The following HIVEP2 variants were observed in gnomAD, a reference collection of about 807,000 sequenced individuals.
The protein encoded by HIVEP2 is transcription factor HIVEP2.
HIVEP2 carries 14 observed loss-of-function variants against 180.7 expected under a neutral mutation model. The ratio of observed to expected loss-of-function variants is 0.08; its 90% CI spans 0.05 to 0.12. HIVEP2 has a LOEUF of 0.12. Ranked by LOEUF, HIVEP2 falls within the 10% of genes least tolerant of loss-of-function variation. The pLI is 1.00. For synonymous variants in HIVEP2, 1,184 were observed against 1,136.4 expected (o/e 1.04, Z -0.84); for missense variants, 2,579 against 3,008.5 (o/e 0.86, Z 3.34).
chr6:142,944,315 AC>A (rs1778248394), intron 1 of HIVEP2, among the ~76,000 whole-genome samples: 1 of 149,502 alleles, frequency 6.7e-6, no homozygotes, highest in South Asian at 2.1e-4. Context: ...TATAAAGCGC[AC>A]CGATCTGTGA....
chr6:142,761,549 A>G lies in HIVEP2; in HGVS notation c.5535T>C (p.His1845=), dbSNP rs1226846342. Residue 1845 remains histidine (H), a synonymous_variant, in exon 8 of 10, where the codon CAT becomes CAC. Coordinates refer to ENST00000367603, the MANE Select transcript of HIVEP2 (RefSeq NM_006734.4). ...TTTTCATGTGTGCTTTAGATTTCAT[A>G]TGCTTCGTTAGGTTTCCTTGAAAAT... ...AFKTKGNLTK[H]MKSKAHMKKC... is the part of the protein sequence containing the mutation. 1 of 1,598,910 alleles carries G rather than the reference A, an allele frequency of 6.3e-7. No individual in the cohort carries two copies. The highest frequency in any genetic ancestry group is 2.2e-5 in the East Asian group (1 of 44,766).
At chr6:142,780,968 G>A (rs1775844251) in intron 3 of HIVEP2, among the ~76,000 whole-genome samples, 1 of 152,060 alleles carries the variant, frequency 6.6e-6, no homozygotes, top group African/African-American at 2.4e-5. Flanking sequence ...ATTTTTAAAA[G>A]TATGTTAGAT....
At chr6:142,880,412 T>C (rs1776552478) in intron 1 of HIVEP2, among the ~76,000 whole-genome samples, 1 of 152,180 alleles carries the variant, frequency 6.6e-6, no homozygotes, top group South Asian at 2.1e-4. Context: ...TGGAGACAGC[T>C]GAGCCTCAAG....
At chr6:142,901,705 T>C (rs76147438) in intron 1 of HIVEP2, among the ~76,000 whole-genome samples, 13,638 of 152,238 alleles carry the variant, frequency 0.09, 959 homozygotes, top group East Asian at 0.24. Flanking sequence ...TCTCATAATC[T>C]TGAGCCTCAA....
rs187630617 is a variant in HIVEP2, at chr6:142,786,135, A to C, written c.-527-2520T>G. ...GTTTTTGTGTCTTTATTTCTCCATC[A>C]AAATAAAAGAAAATCCTTTCATCAA... On this transcript the variant is annotated intron_variant, in intron 2 of 9. Transcript: ENST00000367603. Among the ~76,000 whole-genome samples, 41 of 152,304 alleles carry C rather than the reference A, an allele frequency of 2.7e-4. No individual in the cohort carries two copies. In the East Asian group the frequency reaches 7.9e-3, roughly 29 times the overall value.
At chr6:142,919,473 A>G (rs1190481861) in intron 1 of HIVEP2, among the ~76,000 whole-genome samples, 8 of 152,302 alleles carry the variant, frequency 5.3e-5, no homozygotes, top group Non-Finnish European at 1.5e-5. Context: ...ACCGTCTATA[A>G]ATGTCTTCTA....
At chr6:142,917,205 T>A (rs1777576037) in intron 1 of HIVEP2, among the ~76,000 whole-genome samples, 1 of 152,252 alleles carries the variant, frequency 6.6e-6, no homozygotes, top group Non-Finnish European at 1.5e-5. Context: ...CAGTTTCGTA[T>A]GTGATGTACT....
In HIVEP2 at chr6:142,789,610, T is replaced by C. The variant is rs1287980163; in HGVS notation, c.-527-5995A>G. Among the ~76,000 whole-genome samples, 4 of 152,338 alleles carry C rather than the reference T, an allele frequency of 2.6e-5. No individual in the cohort carries two copies. In the East Asian group the frequency reaches 7.7e-4, roughly 29 times the overall value. On this transcript the variant is annotated intron_variant, in intron 2 of 9. Coordinates refer to ENST00000367603, the MANE Select transcript of HIVEP2 (RefSeq NM_006734.4). ...GTGAGAACCAGAGAAGTCAAAAGAC[T>C]TGCTTAGGGACCCACAGCTCATTAT...
At chr6:142,832,882 T>A (rs1295722600) in intron 2 of HIVEP2, among the ~76,000 whole-genome samples, 1 of 152,244 alleles carries the variant, frequency 6.6e-6, no homozygotes, top group African/African-American at 2.4e-5. Context: ...AAATTTACAG[T>A]CCACATCTTT....
Position 142,892,623 on chromosome 6 carries a change from G to A in HIVEP2, c.-641+52476C>T, listed in dbSNP as rs1326209809. On this transcript the variant is annotated intron_variant, in intron 1 of 9. Coordinates refer to ENST00000367603, the MANE Select transcript of HIVEP2 (RefSeq NM_006734.4). ...CTATAAATGCTTATAATAGATAAACGAGAAGACATGTGAGCAAATATTTTA... is the reference window on the plus strand; with the variant it reads ...CTATAAATGCTTATAATAGATAAACAAGAAGACATGTGAGCAAATATTTTA... Among the ~76,000 whole-genome samples, 3 of 152,274 alleles carry A rather than the reference G, an allele frequency of 2.0e-5. No individual in the cohort carries two copies. The East Asian group carries it at 5.8e-4, about 29-fold the overall frequency.
At chr6:142,837,108 T>C (rs1324818146) in intron 1 of HIVEP2, 61 bp from the exon 2 acceptor site, 1 of 152,100 alleles carries the variant, frequency 6.6e-6, no homozygotes, top group Admixed American at 6.6e-5. Context: ...GAGCTATACA[T>C]TAATAACACA....
At chr6:142,838,609 A>T (rs1266126172) in intron 1 of HIVEP2, among the ~76,000 whole-genome samples, 1 of 152,112 alleles carries the variant, frequency 6.6e-6, no homozygotes, top group African/African-American at 2.4e-5. Context: ...ACCACTTCTC[A>T]ATACTTCCCA....
At chr6:142,929,484 G>C (rs1777892301) in intron 1 of HIVEP2, among the ~76,000 whole-genome samples, 2 of 152,080 alleles carry the variant, frequency 1.3e-5, no homozygotes, top group African/African-American at 4.8e-5. Context: ...GAGTTCTTCA[G>C]GTTCCTGGTG....
chr6:142,898,938 T>A (rs966489145), intron 1 of HIVEP2, among the ~76,000 whole-genome samples: 5 of 152,182 alleles, frequency 3.3e-5, no homozygotes, highest in African/African-American at 1.2e-4. Context: ...ATTACTGTAA[T>A]TGTCTGCACA....
At chr6:142,843,060 C>G (rs970317025) in intron 1 of HIVEP2, among the ~76,000 whole-genome samples, 9 of 152,254 alleles carry the variant, frequency 5.9e-5, no homozygotes, top group African/African-American at 2.2e-4. Context: ...GGGCCTCTAC[C>G]CTTTCCCAAG....
intron 1 of HIVEP2, among the ~76,000 whole-genome samples, chr6:142,942,091 C>T (rs1778192182): frequency 6.6e-6 from 1 of 152,166 alleles, no homozygotes; most frequent in Non-Finnish European, 1.5e-5. Context: ...TAGTTTCACT[C>T]ATGCCAACTA....
At position 142,772,890 on chromosome 6, in the gene HIVEP2, C is replaced by T. The variant is rs1409428045; in HGVS notation, c.1849G>A (p.Gly617Ser). The T allele has an allele frequency of 6.2e-7, 1 of 1,614,152 alleles. No individual in the cohort carries two copies. Among genetic ancestry groups the T allele is most frequent in the Non-Finnish European group, 8.5e-7 (1 of 1,180,024 alleles). The change falls in exon 5 of 10, where the codon GGT (glycine) becomes AGT (serine). Residue 617 changes from glycine to serine, a missense_variant. Around this residue, in one of 11 missense-constraint regions of HIVEP2, gnomAD observed 524 missense variants for 563.6 expected, o/e 0.93. Transcript: ENST00000367603. This position sits in a 1 kb window ranked among gnomAD's most constrained non-coding sequence, Gnocchi z 4.9. ...TCCTTCAGGGATGAACTGCTGATAC[C>T]CTTCAACATCCTGCCATGGTGCTCG... ...EVEHHGRMLK[G>S]ISSSSLKEKK...
intron 1 of HIVEP2, among the ~76,000 whole-genome samples, chr6:142,921,953 C>T (rs942422858): frequency 6.6e-6 from 1 of 152,214 alleles, no homozygotes; most frequent in Non-Finnish European, 1.5e-5. Context: ...TCTTATCTTA[C>T]TTTAACTCTC....
At chr6:142,785,332 AAAAAAAAAAAAAAAG>A (rs1254658074) in intron 2 of HIVEP2, among the ~76,000 whole-genome samples, 8 of 148,780 alleles carry the variant, frequency 5.4e-5, no homozygotes, top group Admixed American at 2.0e-4. Flanking sequence ...AAAAAAAAAA[AAAAAAAAAAAAAAAG>A]AAGAAGAAGA....
Sources: allele counts gnomAD v4.1 joint callset (sites outside exome capture counted in the v4.1 genomes callset), GRCh38; gene constraint gnomAD v4.1.1; regional missense constraint gnomAD v4.1.1; non-coding constraint Gnocchi (gnomAD v3.1); transcripts MANE v1.5; gene names NCBI Gene and HGNC (gene_info 2026-07-23, HGNC 2026-07-21).